AGBL4: variants seen among roughly 807,000 people sequenced by gnomAD.
AGBL4 encodes AGBL carboxypeptidase 4.
AGBL4 carries 58 observed loss-of-function variants against 66.4 expected under a neutral mutation model. That is an observed-to-expected ratio of 0.87 (90% confidence interval 0.71 to 1.09). AGBL4 has a LOEUF of 1.09. Ranked by LOEUF, AGBL4 falls within the 50% of genes least tolerant of loss-of-function variation. The pLI is 0.00. For synonymous variants in AGBL4, 234 were observed against 222.9 expected, an observed-to-expected ratio of 1.05 and a Z score of -0.44; for missense variants, 579 against 631.0, an observed-to-expected ratio of 0.92 and a Z score of 0.88.
intron 1 of AGBL4, among the ~76,000 whole-genome samples, chr1:50,008,693 T>C (rs1409639649): frequency 1.3e-5 from 2 of 151,528 alleles, no homozygotes; most frequent in Admixed American, 1.3e-4. Flanking sequence ...ACTGAAGTAA[T>C]ATAAAAGATT....
chr1:49,466,587 A>T (rs1172416302), intron 3 of AGBL4, among the ~76,000 whole-genome samples: 2 of 151,806 alleles, frequency 1.3e-5, no homozygotes, highest in African/African-American at 4.8e-5. Context: ...TTTTATCTGC[A>T]TGAGATATAG....
At chr1:48,648,884 C>A (rs187459213) in intron 8 of AGBL4, among the ~76,000 whole-genome samples, 11 of 152,278 alleles carry the variant, frequency 7.2e-5, no homozygotes, top group Non-Finnish European at 1.3e-4. Context: ...AACAACTGGG[C>A]CAGGAGGCCA....
chr1:49,085,494 A>G (rs1054081281), intron 4 of AGBL4, among the ~76,000 whole-genome samples: 2 of 152,018 alleles, frequency 1.3e-5, no homozygotes, highest in Non-Finnish European at 2.9e-5. Flanking sequence ...CTATAAAAAT[A>G]TCTATCTAGG....
intron 3 of AGBL4, among the ~76,000 whole-genome samples, chr1:49,404,337 T>C (rs1354122426): frequency 6.6e-6 from 1 of 152,186 alleles, no homozygotes; most frequent in Non-Finnish European, 1.5e-5. Context: ...AAGGCAGCCA[T>C]CTGTAAGTCA....
chr1:48,935,427 T>G (rs1203414183), intron 5 of AGBL4, among the ~76,000 whole-genome samples: 3 of 152,166 alleles, frequency 2.0e-5, no homozygotes, highest in Non-Finnish European at 4.4e-5. Flanking sequence ...TCAGTTCTGC[T>G]GTCTGTGCTC....
At chr1:49,024,358 C>T (rs935851791) in intron 5 of AGBL4, among the ~76,000 whole-genome samples, 7 of 152,144 alleles carry the variant, frequency 4.6e-5, no homozygotes, top group Non-Finnish European at 1.0e-4. Context: ...ATATGCCATG[C>T]TCTCACCCAT....
chr1:49,875,321 C>A (rs1224149326), intron 1 of AGBL4, among the ~76,000 whole-genome samples: 17 of 115,108 alleles, frequency 1.5e-4, no homozygotes, highest in Non-Finnish European at 2.5e-4. Context: ...CCCTCCACAC[C>A]ACAGTCCCCA....
chr1:49,426,371 A>T (rs2148650330), intron 3 of AGBL4, among the ~76,000 whole-genome samples: 1 of 152,226 alleles, frequency 6.6e-6, no homozygotes, highest in South Asian at 2.1e-4. Context: ...ATTGAATATC[A>T]CCCTGGATGC....
chr1:48,536,273 A>G (rs979401260), intron 12 of AGBL4, among the ~76,000 whole-genome samples: 5 of 152,184 alleles, frequency 3.3e-5, no homozygotes, highest in Non-Finnish European at 7.3e-5. Flanking sequence ...GTTCAGGCTG[A>G]AGCATAGGGC....
chr1:48,641,068 AG>A (rs1262914535), intron 8 of AGBL4, among the ~76,000 whole-genome samples: 2 of 152,138 alleles, frequency 1.3e-5, no homozygotes, highest in African/African-American at 4.8e-5. Context: ...GAGATGTATG[AG>A]GTATGCCAGC....
In AGBL4 at chr1:49,298,628, TCCTC is replaced by T. The variant is rs377307170; in HGVS notation, c.283-52768_283-52765del. On this transcript the variant is annotated intron_variant, in intron 3 of 13. Transcript: ENST00000371839. ...CATTGAGGGGTGCCTGGCCTCTCCT[TCCTC>T]CCTCCCTCCCTCCCTCCTCCTTCTT... Among the ~76,000 whole-genome samples the T allele has an allele frequency of 3.0e-3, 447 of 150,952 alleles. 1 individual carries two copies. Among genetic ancestry groups the T allele is most frequent in the African/African-American group, 9.0e-3 (363 of 40,538 alleles).
At chr1:48,734,466 C>T (rs959433782) in intron 6 of AGBL4, among the ~76,000 whole-genome samples, 1 of 152,198 alleles carries the variant, frequency 6.6e-6, no homozygotes, top group African/African-American at 2.4e-5. Flanking sequence ...TGTGGTCACT[C>T]CATGACTGGA....
At chr1:49,799,560 G>A (rs1167333369) in intron 2 of AGBL4, among the ~76,000 whole-genome samples, 2 of 152,118 alleles carry the variant, frequency 1.3e-5, no homozygotes, top group African/African-American at 2.4e-5. Flanking sequence ...GGAAGTGAGG[G>A]AGGGAAGAAA....
intron 4 of AGBL4, among the ~76,000 whole-genome samples, chr1:49,212,132 C>T (rs771526222): frequency 4.6e-5 from 7 of 152,092 alleles, no homozygotes; most frequent in Non-Finnish European, 1.0e-4. Context: ...GTCTCCATGT[C>T]ACAGTATTTC....
At chr1:49,050,951 T>TA (rs1644198498) in intron 4 of AGBL4, among the ~76,000 whole-genome samples, 1 of 152,100 alleles carries the variant, frequency 6.6e-6, no homozygotes, top group African/African-American at 2.4e-5. Flanking sequence ...ACCTCTCAGC[T>TA]AAATTCCCAA....
At chr1:48,778,097 T>C (rs910282537) in intron 6 of AGBL4, among the ~76,000 whole-genome samples, 1 of 152,014 alleles carries the variant, frequency 6.6e-6, no homozygotes, top group Admixed American at 6.5e-5. Context: ...TGACAGGGAG[T>C]TAATGAATTT....
intron 2 of AGBL4, among the ~76,000 whole-genome samples, chr1:49,700,116 C>T (rs1369766823): frequency 6.6e-6 from 1 of 150,470 alleles, no homozygotes; most frequent in East Asian, 2.0e-4. Flanking sequence ...TTTAGGAGCA[C>T]AAAAAGATTG....
chr1:48,642,711 G>A (rs1269210292), intron 8 of AGBL4, among the ~76,000 whole-genome samples: 1 of 152,120 alleles, frequency 6.6e-6, no homozygotes, highest in East Asian at 1.9e-4. Context: ...TTTTTGAAAG[G>A]TCTGAGGGAG....
At chr1:49,428,249 C>T (rs1021004999) in intron 3 of AGBL4, among the ~76,000 whole-genome samples, 1 of 152,066 alleles carries the variant, frequency 6.6e-6, no homozygotes, top group Non-Finnish European at 1.5e-5. Context: ...TATAAGTGTT[C>T]AGTTAATGTT....
Sources: gnomAD v4.1 joint callset for allele counts (sites outside exome capture counted in the v4.1 genomes callset) on GRCh38, gnomAD v4.1.1 for gene constraint, MANE v1.5 for transcripts, NCBI Gene and HGNC (gene_info 2026-07-23, HGNC 2026-07-21) for gene names.